The following SEZ6L variants were observed in gnomAD, a reference collection of about 807,000 sequenced individuals.
The protein encoded by SEZ6L is seizure 6-like protein.
A neutral mutation model predicts 106.2 loss-of-function variants in SEZ6L; 37 were observed. That is an observed-to-expected ratio of 0.35 (90% CI 0.27 to 0.46). SEZ6L has a LOEUF of 0.46. Ranked by LOEUF, SEZ6L falls within the 20% of genes least tolerant of loss-of-function variation. SEZ6L has a pLI of 1.00. For missense variants in SEZ6L, 1,172 were observed against 1,332.8 expected (o/e 0.88, Z 1.88); for synonymous variants, 541 against 570.4 (o/e 0.95, Z 0.73).
intron 1 of SEZ6L, among the ~76,000 whole-genome samples, chr22:26,266,685 G>A (rs2145830697): frequency 6.6e-6 from 1 of 152,150 alleles, no homozygotes; most frequent in African/African-American, 2.4e-5. Flanking sequence ...TCTCATCCTG[G>A]TTGCAGGTCA....
intron 1 of SEZ6L, among the ~76,000 whole-genome samples, chr22:26,171,821 G>A (rs1322265011): frequency 2.0e-5 from 3 of 152,134 alleles, no homozygotes; most frequent in African/African-American, 4.8e-5. Context: ...GAGCATTGCC[G>A]AGTCTGATGG....
intron 1 of SEZ6L, among the ~76,000 whole-genome samples, chr22:26,273,273 G>C (rs571085429): frequency 2.0e-5 from 3 of 152,376 alleles, no homozygotes; most frequent in African/African-American, 7.2e-5. Flanking sequence ...CCGCATGCAG[G>C]CATCATGCCT....
chr22:26,231,649 G>C (rs542820542), intron 1 of SEZ6L, among the ~76,000 whole-genome samples: 1 of 152,270 alleles, frequency 6.6e-6, no homozygotes, highest in African/African-American at 2.4e-5. Context: ...CTTTGGTGCT[G>C]CCTTCAAGCT....
chr22:26,266,205 T>C (rs1247201761), intron 1 of SEZ6L, among the ~76,000 whole-genome samples: 1 of 152,008 alleles, frequency 6.6e-6, no homozygotes, highest in Non-Finnish European at 1.5e-5. Flanking sequence ...GTTGACTGCT[T>C]GGCCCACAGA....
rs1313772564 is a variant in SEZ6L at position 26,377,761 on chromosome 22, A to G, written c.3031A>G (p.Ile1011Val). Residue 1011 changes from isoleucine to valine, a missense_variant, in exon 16 of 17, where the codon ATT becomes GTT. By Grantham distance (29) the Ile-to-Val change is conservative (BLOSUM62 3). This residue lies in a region of SEZ6L where 141 missense variants were observed against 176.0 expected (regional missense o/e 0.80). Transcript: ENST00000248933. ...CGTGGAAACCGAGTTTGACAACCCC[A>G]TTTACGAGACAGGGGTGAGTTGGTC... is the stretch of plus-strand genomic sequence containing the variant. ...ITVETEFDNP[I>V]YETGETREYE... 4 of 1,611,522 alleles carry G rather than the reference A, an allele frequency of 2.5e-6. No homozygotes were observed. Among genetic ancestry groups the G allele is most frequent in the East Asian group, 2.2e-5 (1 of 44,858 alleles).
At chr22:26,255,443 AG>A (rs1246996685) in intron 1 of SEZ6L, among the ~76,000 whole-genome samples, 2 of 152,238 alleles carry the variant, frequency 1.3e-5, no homozygotes, top group Non-Finnish European at 2.9e-5. Context: ...CTCCAAACAA[AG>A]AAGATGGCTA....
chr22:26,308,541 T>G (rs1472105646), intron 6 of SEZ6L, among the ~76,000 whole-genome samples: 1 of 152,142 alleles, frequency 6.6e-6, no homozygotes, highest in Non-Finnish European at 1.5e-5. Flanking sequence ...TCCAGTCTCA[T>G]AATATGCCCC....
At chr22:26,339,025 C>T (rs1433424608) in intron 9 of SEZ6L, among the ~76,000 whole-genome samples, 3 of 151,820 alleles carry the variant, frequency 2.0e-5, no homozygotes, top group Non-Finnish European at 4.4e-5. Flanking sequence ...TGTTTATCTG[C>T]CTCGAGGTCT....
intron 1 of SEZ6L, among the ~76,000 whole-genome samples, chr22:26,221,595 C>T (rs1017503722): frequency 1.3e-5 from 2 of 152,214 alleles, no homozygotes; most frequent in South Asian, 2.1e-4. Context: ...AGCAAGCACT[C>T]GCTCGTGTCA....
chr22:26,205,768 T>G (rs1331704899), intron 1 of SEZ6L, among the ~76,000 whole-genome samples: 2 of 152,150 alleles, frequency 1.3e-5, no homozygotes, highest in Non-Finnish European at 2.9e-5. Context: ...CGAGAGTCTC[T>G]TCAAGAATCA....
intron 1 of SEZ6L, among the ~76,000 whole-genome samples, chr22:26,177,269 A>T (rs947640181): frequency 1.3e-5 from 2 of 152,210 alleles, no homozygotes; most frequent in African/African-American, 4.8e-5. Flanking sequence ...GAGATAATAG[A>T]TGTGGAATCA....
At chr22:26,218,930 T>C (rs1452013787) in intron 1 of SEZ6L, among the ~76,000 whole-genome samples, 1 of 151,842 alleles carries the variant, frequency 6.6e-6, no homozygotes, top group Non-Finnish European at 1.5e-5. Context: ...GGAATGAGAC[T>C]CTGTCTCAAA....
Position 26,203,875 on chromosome 22 carries a change from T to A in SEZ6L, c.94+34112T>A, listed in dbSNP as rs73417525. ...AGACCCCTTAAGAGCTGAAGAAGAG[T>A]AGGAGCAGAGAGAGGGAGAGGGTAA... On this transcript the variant is annotated intron_variant, in intron 1 of 16. Transcript: ENST00000248933. 5.1e-4 allele frequency among the ~76,000 whole-genome samples: 78 copies of A among 152,052 alleles called. 1 individual carries two copies. Among genetic ancestry groups the A allele is most frequent in the Middle Eastern group, 3.4e-3 (1 of 294 alleles).
At chr22:26,262,632 G>C (rs904278847) in intron 1 of SEZ6L, among the ~76,000 whole-genome samples, 1 of 152,240 alleles carries the variant, frequency 6.6e-6, no homozygotes, top group African/African-American at 2.4e-5. Context: ...GCTTGTAATG[G>C]GTGACAAAAC....
At chr22:26,367,672 T>C (rs903002003) in intron 13 of SEZ6L, among the ~76,000 whole-genome samples, 1 of 152,062 alleles carries the variant, frequency 6.6e-6, no homozygotes, top group African/African-American at 2.4e-5. Context: ...CCTGCTTAAT[T>C]ATTTCCCACC....
chr22:26,220,460 G>A (rs571482945), intron 1 of SEZ6L, among the ~76,000 whole-genome samples: 20 of 152,286 alleles, frequency 1.3e-4, no homozygotes, highest in East Asian at 3.9e-4. Context: ...TGAGGAGACC[G>A]AGGCCTAGTC....
intron 1 of SEZ6L, among the ~76,000 whole-genome samples, chr22:26,208,747 T>C (rs1303666655): frequency 6.6e-6 from 1 of 152,180 alleles, no homozygotes; most frequent in Non-Finnish European, 1.5e-5. Flanking sequence ...TCCTTGATTC[T>C]GTAAATGTAT....
chr22:26,203,671 C>G (rs546501921), intron 1 of SEZ6L, among the ~76,000 whole-genome samples: 2 of 152,264 alleles, frequency 1.3e-5, no homozygotes, highest in East Asian at 3.9e-4. Context: ...AGAATATGGA[C>G]ACTTTATTAC....
intron 1 of SEZ6L, among the ~76,000 whole-genome samples, chr22:26,231,297 C>T (rs551325230): frequency 3.3e-5 from 5 of 152,160 alleles, no homozygotes; most frequent in Non-Finnish European, 5.9e-5. Context: ...GGGACAGTAA[C>T]TTCTGGGTGT....
Sources: allele counts gnomAD v4.1 joint callset (sites outside exome capture counted in the v4.1 genomes callset), GRCh38; gene constraint gnomAD v4.1.1; regional missense constraint gnomAD v4.1.1; transcripts MANE v1.5; gene names NCBI Gene and HGNC (gene_info 2026-07-23, HGNC 2026-07-21).